Variants in HGS observed in about 807,000 individuals in gnomAD.
HGS encodes human growth factor-regulated tyrosine kinase substrate.
In HGS, 63 loss-of-function variants were observed where a neutral mutation model predicts 109.7. The observed-to-expected ratio is 0.57, with a 90% confidence interval of 0.47 to 0.71. The LOEUF (loss-of-function observed/expected upper bound fraction) is 0.71. Ranked by LOEUF, HGS falls within the 30% of genes least tolerant of loss-of-function variation. HGS has a pLI of 0.00. For synonymous variants in HGS, 546 were observed against 437.3 expected (o/e 1.25, Z -3.10); for missense variants, 995 against 1,068.3 (o/e 0.93, Z 0.96).
intron 1 of HGS, 84 bp from the exon 2 acceptor site, chr17:81,685,520 TC>T (rs1399797981): frequency 3.2e-5 from 26 of 800,264 alleles, no homozygotes; most frequent in Admixed American, 6.9e-5. Flanking sequence ...AAGGAGAGAG[TC>T]CCCCCCAGCT....
Position 81,693,510 on chromosome 17 carries a change from G to A in HGS, c.670G>A (p.Glu224Lys). ...CATTCCTTGTGCCCACAGGAAAGCG[G>A]AGGGAAAGGCCACTTCCACCACTGA... is the stretch of plus-strand genomic sequence containing the variant. ...PCYEQLNRKA[E>K]GKATSTTELP... Residue 224 changes from glutamate (E) to lysine (K), a missense_variant, in exon 9 of 22, where the codon GAG becomes AAG. Physicochemically the swap from Glu to Lys is moderately conservative, Grantham distance 56 (BLOSUM62 1). Transcript: ENST00000329138. 1 of 1,612,970 alleles carries A rather than the reference G, an allele frequency of 6.2e-7. No individual in the cohort carries two copies. The highest frequency in any genetic ancestry group is 8.5e-7 in the Non-Finnish European group (1 of 1,179,550).
Position 81,694,869 on chromosome 17 carries a change from G to A in HGS, c.975+16G>A. On this transcript the variant is annotated intron_variant, in intron 12 of 21. Transcript: ENST00000329138. ...CGACCCTGAGGTAAGGCCCAGCATGGGGTGCATCCTCTCACGGTTTCTGGC... is the reference window on the plus strand; with the variant it reads ...CGACCCTGAGGTAAGGCCCAGCATGAGGTGCATCCTCTCACGGTTTCTGGC... 1 of 1,614,212 alleles carries A rather than the reference G, an allele frequency of 6.2e-7. No homozygotes were observed. Among genetic ancestry groups the A allele is most frequent in the Non-Finnish European group, 8.5e-7 (1 of 1,179,994 alleles).
intron 14 of HGS, 108 bp from the exon 15 acceptor site, chr17:81,695,677 TG>T: frequency 1.0e-6 from 1 of 955,988 alleles, no homozygotes; most frequent in Non-Finnish European, 1.7e-6. Flanking sequence ...AAGGAGCAGA[TG>T]GACTCTGCTC....
rs1197984078 is a variant in HGS, at chr17:81,696,339, T to C, written c.1394-18T>C. On this transcript the variant is annotated intron_variant, in intron 15 of 21. Transcript: ENST00000329138. Reference sequence around the variant, plus strand: ...ACTGTGCCGGAGTGGTCAGGGTTGCTCTGTCATCTGCCCACAGTGTACTAT... The same window carrying C: ...ACTGTGCCGGAGTGGTCAGGGTTGCCCTGTCATCTGCCCACAGTGTACTAT... 6.5e-7 allele frequency: 1 copy of C among 1,549,884 alleles called. No individual in the cohort carries two copies. Among genetic ancestry groups the C allele is most frequent in the Non-Finnish European group, 8.7e-7 (1 of 1,152,122 alleles).
intron 11 of HGS, 34 bp from the exon 12 acceptor site, chr17:81,694,781 C>A (rs770308683): frequency 6.2e-7 from 1 of 1,614,108 alleles, no homozygotes; most frequent in East Asian, 2.2e-5. Flanking sequence ...CTGGCTCTGT[C>A]ACCTGTGAGA....
chr17:81,695,756 C>T (rs1411714497), intron 14 of HGS, 30 bp from the exon 15 acceptor site: 1 of 1,608,492 alleles, frequency 6.2e-7, no homozygotes, highest in African/African-American at 1.3e-5. Flanking sequence ...GGCGTGGCCG[C>T]ACTCATCCAG....
chr17:81,684,258 C>T (rs2036933212), intron 1 of HGS, 155 bp downstream of exon 1: 3 of 610,764 alleles, frequency 4.9e-6, no homozygotes, highest in Non-Finnish European at 7.2e-6. Context: ...AGCCGCCGAT[C>T]CTGGACCCTC....
chr17:81,693,610 C>T (rs376363443), intron 9 of HGS, 29 bp downstream of exon 9: 4 of 1,555,490 alleles, frequency 2.6e-6, no homozygotes, highest in Non-Finnish European at 3.5e-6. Flanking sequence ...CCCGTGGGCA[C>T]CTCTTCCCCG....
At chr17:81,699,812 C>T (rs1434536738) in intron 18 of HGS, among the ~76,000 whole-genome samples, 3 of 152,138 alleles carry the variant, frequency 2.0e-5, no homozygotes, top group Admixed American at 1.3e-4. Flanking sequence ...CGGTGGCTCA[C>T]GCCTATAATC....
intron 11 of HGS, among the ~76,000 whole-genome samples, chr17:81,694,484 G>A (rs1238883765): frequency 2.6e-5 from 4 of 152,186 alleles, no homozygotes; most frequent in East Asian, 1.9e-4. Flanking sequence ...CCTTCCTTCC[G>A]GGCTGTCGGC....
In HGS at chr17:81,690,202, A is replaced by G. The variant is rs774117247; in HGVS notation, c.436A>G (p.Lys146Glu). 6.2e-7 allele frequency: 1 copy of G among 1,613,848 alleles called. No individual in the cohort carries two copies. Among genetic ancestry groups the G allele is most frequent in the Non-Finnish European group, 8.5e-7 (1 of 1,179,814 alleles). Residue 146 changes from lysine to glutamate, a missense_variant, in exon 6 of 22, where the codon AAA becomes GAA. Coordinates refer to ENST00000329138, the MANE Select transcript of HGS (RefSeq NM_004712.5). ...KVEGHVFPEF[K>E]ESDAMFAAER... The stretch of plus-strand genomic sequence containing the variant: ...TCCAGGGCACGTCTTTCCAGAATTC[A>G]AAGAGAGCGATGCCATGTTTGCTGC...
intron 11 of HGS, 152 bp downstream of exon 11, chr17:81,694,117 G>A (rs1451916928): frequency 1.5e-6 from 1 of 651,704 alleles, no homozygotes; most frequent in African/African-American, 1.8e-5. Context: ...GCGGACATCA[G>A]GGCAGAGCCC....
At chr17:81,684,966 G>A (rs987525193) in intron 1 of HGS, 1 of 985,410 alleles carries the variant, frequency 1.0e-6, no homozygotes, top group Non-Finnish European at 1.2e-6. Context: ...GGCTTGGCTT[G>A]TTAGATCGTT....
At chr17:81,687,835 A>G (rs1245117794) in intron 4 of HGS, among the ~76,000 whole-genome samples, 1 of 151,938 alleles carries the variant, frequency 6.6e-6, no homozygotes, top group East Asian at 1.9e-4. Flanking sequence ...ACAGCTGAGA[A>G]CCTGCCCGGG....
Position 81,693,971 on chromosome 17 carries a change from C to CG in HGS, c.936+8dup, listed in dbSNP as rs1159424454. ...GCCTGTACTCTTCACCTGTGGTGAG[C>CG]GGCCCTTGGGCTGGAGCTCCCTCTC... On this transcript the variant is annotated splice_region_variant and intron_variant, in intron 11 of 21. Transcript: ENST00000329138. 1 of 1,603,088 alleles carries CG rather than the reference C, an allele frequency of 6.2e-7. No individual in the cohort carries two copies. The highest frequency in any genetic ancestry group is 8.5e-7 in the Non-Finnish European group (1 of 1,176,572).
chr17:81,697,294 A>T (rs551028690), intron 18 of HGS: 28 of 280,638 alleles, frequency 1.0e-4, no homozygotes, highest in Non-Finnish European at 1.5e-4. Flanking sequence ...CTCAGCCCTC[A>T]TGGACTGTCC....
chr17:81,688,863 T>C (rs1202717430), intron 5 of HGS, 36 bp downstream of exon 5: 1 of 1,613,334 alleles, frequency 6.2e-7, no homozygotes, highest in Middle Eastern at 1.7e-4. Context: ...AGGTTGAGGC[T>C]TGGAACTGCT....
chr17:81,685,021 C>T (rs1444784026), intron 1 of HGS: 3 of 985,390 alleles, frequency 3.0e-6, no homozygotes, highest in East Asian at 1.1e-4. Flanking sequence ...GAGCTGCCCC[C>T]CCAGAGGGGC....
At position 81,691,080 on chromosome 17, in the gene HGS, A is replaced by G; in HGVS notation, c.537+338A>G. On this transcript the variant is annotated intron_variant, in intron 7 of 21. Transcript: ENST00000329138. The surrounding 1 kb of genome is among the most constrained non-coding windows in gnomAD (Gnocchi z 5.3). ...CCATCTGGATTCTTACCCTCGAGGC[A>G]TCTTCACATCAAAACCCCCTCCAGG... The G allele has an allele frequency of 1.8e-5, 8 of 444,234 alleles. 1 individual carries two copies. The South Asian group carries it at 2.4e-4, about 13-fold the overall frequency. The allele number at this position is 444,234 out of a possible 1,614,324, so 27.5% of individuals were successfully genotyped here. A position where few individuals can be genotyped will look rare whatever the true frequency, so the allele number is the denominator to read the frequency against.
Sources: gnomAD v4.1 joint callset for allele counts (sites outside exome capture counted in the v4.1 genomes callset) on GRCh38, gnomAD v4.1.1 for gene constraint, Gnocchi (gnomAD v3.1) non-coding constraint, MANE v1.5 for transcripts, NCBI Gene and HGNC (gene_info 2026-07-23, HGNC 2026-07-21) for gene names.